TYR: variants seen among roughly 807,000 people sequenced by gnomAD.
TYR encodes LB24-AB.
In TYR, 58 loss-of-function variants were observed where a neutral mutation model predicts 51.5. The ratio of observed to expected loss-of-function variants is 1.13; its 90% CI spans 0.91 to 1.40. TYR has a LOEUF of 1.40. TYR is among the 40% of genes most tolerant of loss of function. The pLI, the probability that TYR is intolerant of heterozygous loss-of-function variation, is 0.00. For missense variants in TYR, 732 were observed against 647.4 expected (o/e 1.13, Z -1.42); for synonymous variants, 263 against 235.2 (o/e 1.12, Z -1.08).
chr11:89,262,831 A>T (rs986379646), intron 3 of TYR, among the ~76,000 whole-genome samples: 1 of 140,420 alleles, frequency 7.1e-6, no homozygotes, highest in African/African-American at 2.6e-5. Context: ...GTAAGTAAAG[A>T]TACAAGCTAC....
At chr11:89,270,866 A>C (rs1307243580) in intron 3 of TYR, among the ~76,000 whole-genome samples, 1 of 151,838 alleles carries the variant, frequency 6.6e-6, no homozygotes, top group African/African-American at 2.4e-5. Flanking sequence ...CAGGCACTGT[A>C]ATGGACACAG....
intron 4 of TYR, among the ~76,000 whole-genome samples, chr11:89,290,916 T>C (rs1475839960): frequency 6.6e-6 from 1 of 152,012 alleles, no homozygotes; most frequent in Non-Finnish European, 1.5e-5. Flanking sequence ...ATTGTTTTGT[T>C]AGAAAGAATC....
At chr11:89,292,486 G>A (rs1944862402) in intron 4 of TYR, among the ~76,000 whole-genome samples, 1 of 152,028 alleles carries the variant, frequency 6.6e-6, no homozygotes. Context: ...GTGGTTTGAA[G>A]GAATATAAAT....
intron 3 of TYR, among the ~76,000 whole-genome samples, chr11:89,257,257 C>T (rs1472257268): frequency 2.6e-5 from 4 of 151,940 alleles, no homozygotes; most frequent in Non-Finnish European, 5.9e-5. Context: ...TAAAAACTGG[C>T]ACAGTCCACC....
chr11:89,294,678 C>T (rs1270745116), intron 4 of TYR, among the ~76,000 whole-genome samples: 1 of 152,186 alleles, frequency 6.6e-6, no homozygotes, highest in African/African-American at 2.4e-5. Flanking sequence ...TGTTCAAATG[C>T]CCTAGGGTTC....
chr11:89,228,945 C>T (rs547029461), intron 3 of TYR, among the ~76,000 whole-genome samples: 2 of 151,844 alleles, frequency 1.3e-5, no homozygotes, highest in South Asian at 4.2e-4. Flanking sequence ...TTTGTCCCCT[C>T]TACAGTAATT....
chr11:89,294,555 G>GC (rs749924486), intron 4 of TYR, among the ~76,000 whole-genome samples: 17 of 152,212 alleles, frequency 1.1e-4, no homozygotes, highest in Non-Finnish European at 2.5e-4. Context: ...TGCCACTGCG[G>GC]CCCGGTAACC....
At chr11:89,209,169 G>A (rs1002181653) in intron 2 of TYR, among the ~76,000 whole-genome samples, 1 of 152,218 alleles carries the variant, frequency 6.6e-6, no homozygotes, top group Non-Finnish European at 1.5e-5. Flanking sequence ...GGGGTTGGGG[G>A]ATTTCCCTTT....
chr11:89,210,013 A>T (rs1943731314), intron 2 of TYR, among the ~76,000 whole-genome samples: 1 of 152,204 alleles, frequency 6.6e-6, no homozygotes, highest in South Asian at 2.1e-4. Context: ...GATGGGGAGA[A>T]ACCAGAGTAG....
chr11:89,193,922 C>T (rs965744310), intron 2 of TYR, among the ~76,000 whole-genome samples: 1 of 152,094 alleles, frequency 6.6e-6, no homozygotes, highest in African/African-American at 2.4e-5. Flanking sequence ...ATTGCATAGA[C>T]TGTAACTCTT....
At chr11:89,283,448 T>C (rs905598238) in intron 3 of TYR, among the ~76,000 whole-genome samples, 3 of 151,884 alleles carry the variant, frequency 2.0e-5, no homozygotes, top group African/African-American at 4.8e-5. Flanking sequence ...TTTTCTACCA[T>C]GTACCAACCT....
chr11:89,212,514 A>T (rs1943772919), intron 2 of TYR, among the ~76,000 whole-genome samples: 1 of 152,206 alleles, frequency 6.6e-6, no homozygotes, highest in African/African-American at 2.4e-5. Context: ...AGGTACAAAG[A>T]GGAGCTGGTA....
At chr11:89,214,127 A>C (rs111445256) in intron 2 of TYR, among the ~76,000 whole-genome samples, 2 of 152,210 alleles carry the variant, frequency 1.3e-5, no homozygotes, top group Non-Finnish European at 2.9e-5. Context: ...AGCAAAAGAA[A>C]TATCAGAGTG....
In TYR at chr11:89,221,314, A is replaced by T. The variant is rs1012231337; in HGVS notation, c.1037-6509A>T. ...CTGTAATAATTACATAGTATGAAACACTCATGCACCACTTCATTTGCTTCG... is the reference window on the plus strand; with the variant it reads ...CTGTAATAATTACATAGTATGAAACTCTCATGCACCACTTCATTTGCTTCG... On this transcript the variant is annotated intron_variant, in intron 2 of 4. Coordinates refer to ENST00000263321, the MANE Select transcript of TYR (RefSeq NM_000372.5). 2.6e-5 allele frequency among the ~76,000 whole-genome samples: 4 copies of T among 152,246 alleles called. No individual in the cohort carries two copies. In the East Asian group the frequency reaches 7.7e-4, roughly 29 times the overall value.
At chr11:89,215,457 C>A (rs977038890) in intron 2 of TYR, among the ~76,000 whole-genome samples, 1 of 152,018 alleles carries the variant, frequency 6.6e-6, no homozygotes, top group Non-Finnish European at 1.5e-5. Context: ...CAACACGGCA[C>A]ATGTACACCT....
chr11:89,218,985 G>T (rs1383353371), intron 2 of TYR, among the ~76,000 whole-genome samples: 1 of 152,148 alleles, frequency 6.6e-6, no homozygotes, highest in Non-Finnish European at 1.5e-5. Flanking sequence ...ACCTGCCCTT[G>T]CCTGAGGTCC....
rs963810960 is a variant in TYR, at chr11:89,203,856, T to A, written c.1036+12438T>A. Among the ~76,000 whole-genome samples, 8 of 152,308 alleles carry A rather than the reference T, an allele frequency of 5.3e-5. No individual in the cohort carries two copies. In the East Asian group the frequency reaches 1.5e-3, roughly 29 times the overall value. Reference sequence around the variant, plus strand: ...CAGAAAAGTTTTAAACAGTAACTACTCTATTTCATTCAAATTCAAAAACAG... The same window carrying A: ...CAGAAAAGTTTTAAACAGTAACTACACTATTTCATTCAAATTCAAAAACAG... On this transcript the variant is annotated intron_variant, in intron 2 of 4. Transcript: ENST00000263321.
chr11:89,191,692 T>G (rs1294236915), intron 2 of TYR, among the ~76,000 whole-genome samples: 1 of 152,064 alleles, frequency 6.6e-6, no homozygotes, highest in Non-Finnish European at 1.5e-5. Context: ...CTCAGAAGTT[T>G]CAGGCTGCAG....
At chr11:89,190,692 C>G (rs909424811) in intron 1 of TYR, among the ~76,000 whole-genome samples, 6 of 151,882 alleles carry the variant, frequency 4.0e-5, no homozygotes, top group African/African-American at 1.5e-4. Flanking sequence ...GTATCTTAGG[C>G]CTTTATATTC....
Sources: gnomAD v4.1 joint callset for allele counts (sites outside exome capture counted in the v4.1 genomes callset) on GRCh38, gnomAD v4.1.1 for gene constraint, MANE v1.5 for transcripts, NCBI Gene and HGNC (gene_info 2026-07-23, HGNC 2026-07-21) for gene names.